Variants in ABCC3 observed in about 807,000 individuals in gnomAD.
The protein encoded by ABCC3 is ATP-binding cassette sub-family C member 3.
ABCC3 carries 121 observed loss-of-function variants against 165.3 expected under a neutral mutation model. The ratio of observed to expected loss-of-function variants is 0.73; its 90% confidence interval spans 0.63 to 0.85. ABCC3 has a LOEUF of 0.85. Among genes scored for constraint, ABCC3 ranks in the 40% least tolerant of loss-of-function variants. The pLI is 0.00. For missense variants in ABCC3, 1,869 were observed against 1,964.1 expected, an observed-to-expected ratio of 0.95 and a Z score of 0.92; for synonymous variants, 733 against 810.1, an observed-to-expected ratio of 0.90 and a Z score of 1.62.
intron 1 of ABCC3, among the ~76,000 whole-genome samples, chr17:50,647,947 G>A (rs180981762): frequency 9.9e-5 from 15 of 152,232 alleles, no homozygotes; most frequent in African/African-American, 3.4e-4. Context: ...GCTGAGGCAG[G>A]AGAATCACCT....
chr17:50,685,066 C>G (rs1968000046), intron 29 of ABCC3, among the ~76,000 whole-genome samples, 191 bp downstream of exon 29: 1 of 152,204 alleles, frequency 6.6e-6, no homozygotes, highest in African/African-American at 2.4e-5. Flanking sequence ...ACACAAGCCC[C>G]AGCGGTGGTC....
intron 1 of ABCC3, among the ~76,000 whole-genome samples, chr17:50,649,337 G>A (rs567334921): frequency 2.4e-4 from 36 of 152,036 alleles, no homozygotes; most frequent in African/African-American, 8.2e-4. Flanking sequence ...CTTGATTGGC[G>A]ACAGATCAGT....
intron 10 of ABCC3, 127 bp from the exon 11 acceptor site, chr17:50,665,026 C>A: frequency 2.6e-6 from 2 of 766,478 alleles, no homozygotes; most frequent in South Asian, 1.6e-5. Context: ...TTTGGCCAAC[C>A]ACCATCTTTT....
chr17:50,663,396 G>A, intron 8 of ABCC3: 1 of 449,578 alleles, frequency 2.2e-6, no homozygotes, highest in Non-Finnish European at 4.0e-6. Flanking sequence ...CATATGTCAG[G>A]AGGTAAGAAG....
At chr17:50,680,298 G>A (rs1377297434) in intron 26 of ABCC3, among the ~76,000 whole-genome samples, 1 of 152,154 alleles carries the variant, frequency 6.6e-6, no homozygotes, top group Non-Finnish European at 1.5e-5. Flanking sequence ...GGTGGGCAGT[G>A]GGAAGGTGAG....
chr17:50,649,204 G>C (rs1967063653), intron 1 of ABCC3, among the ~76,000 whole-genome samples: 1 of 152,064 alleles, frequency 6.6e-6, no homozygotes, highest in Non-Finnish European at 1.5e-5. Flanking sequence ...GTTTATCTGA[G>C]CAAAGAACAA....
chr17:50,638,999 C>T (rs946858765), intron 1 of ABCC3, among the ~76,000 whole-genome samples: 1 of 152,206 alleles, frequency 6.6e-6, no homozygotes, highest in African/African-American at 2.4e-5. Flanking sequence ...TCAGGGTCTC[C>T]TCTGCCTTCT....
Position 50,668,928 on chromosome 17 carries a change from T to C in ABCC3, c.1937+9T>C. 6.2e-7 allele frequency: 1 copy of C among 1,613,832 alleles called. No individual in the cohort carries two copies. Among genetic ancestry groups the C allele is most frequent in the Non-Finnish European group, 8.5e-7 (1 of 1,179,748 alleles). On this transcript the variant is annotated intron_variant, in intron 15 of 30. Transcript: ENST00000285238. The stretch of plus-strand genomic sequence containing the variant: ...CCCCCCACTCTGCACAGGTACCAGC[T>C]TCTCCCACTCCCTTCCCAGCTGCCC...
chr17:50,656,837 G>A lies in ABCC3; in HGVS notation c.348+10G>A. On this transcript the variant is annotated intron_variant, in intron 3 of 30. Transcript: ENST00000285238. ...GGTGGGGGTCACCATGGTCAGTGTG[G>A]GGCCCTGGGAAAGTGGATGGGGGAG... The A allele has an allele frequency of 6.3e-7, 1 of 1,598,480 alleles. No homozygotes were observed. Among genetic ancestry groups the A allele is most frequent in the Non-Finnish European group, 8.5e-7 (1 of 1,174,084 alleles).
At chr17:50,661,180 G>A in intron 8 of ABCC3, 66 bp downstream of exon 8, 1 of 1,477,148 alleles carries the variant, frequency 6.8e-7, no homozygotes, top group Non-Finnish European at 9.1e-7. Flanking sequence ...CTAGCCCAGA[G>A]GAAGGAACAA....
Position 50,651,959 on chromosome 17 carries a change from T to C in ABCC3, c.46-3873T>C, listed in dbSNP as rs551642411. ...TAGGAAATCATGCATCTTTATGATA[T>C]TTAATCCCCAAAACTATGAAAACAT... On this transcript the variant is annotated intron_variant, in intron 1 of 30. Coordinates refer to ENST00000285238, the MANE Select transcript of ABCC3 (RefSeq NM_003786.4). Among the ~76,000 whole-genome samples the C allele has an allele frequency of 1.1e-3, 165 of 152,358 alleles. 1 individual carries two copies. Among genetic ancestry groups the C allele is most frequent in the Non-Finnish European group, 9.4e-4 (64 of 68,036 alleles).
intron 28 of ABCC3, 45 bp from the exon 29 acceptor site, chr17:50,684,664 A>G (rs750458808): frequency 5.7e-6 from 9 of 1,585,698 alleles, no homozygotes; most frequent in East Asian, 2.3e-5. Flanking sequence ...ATGGCTCCTC[A>G]TAGGGCCTAA....
chr17:50,640,264 G>A (rs1034284166), intron 1 of ABCC3, among the ~76,000 whole-genome samples: 1 of 152,208 alleles, frequency 6.6e-6, no homozygotes, highest in African/African-American at 2.4e-5. Context: ...CATCATGCCG[G>A]AGTCCTACCA....
chr17:50,675,590 C>T, intron 20 of ABCC3, 41 bp from the exon 21 acceptor site: 1 of 1,560,032 alleles, frequency 6.4e-7, no homozygotes, highest in Non-Finnish European at 8.7e-7. Flanking sequence ...CTGGGGGGTG[C>T]TTGAGGCCCC....
intron 25 of ABCC3, 99 bp downstream of exon 25, chr17:50,678,318 G>A: frequency 1.5e-6 from 2 of 1,322,566 alleles, no homozygotes; most frequent in Non-Finnish European, 2.0e-6. Context: ...CTCAGTATGG[G>A]CACCAGCCAC....
intron 29 of ABCC3, among the ~76,000 whole-genome samples, chr17:50,685,235 C>T (rs1968003623): frequency 6.6e-6 from 1 of 152,192 alleles, no homozygotes; most frequent in South Asian, 2.1e-4. Flanking sequence ...AGCTTTCTTA[C>T]AGCCCCAGAT....
Position 50,655,952 on chromosome 17 carries a change from C to G in ABCC3, c.166C>G (p.Leu56Val), listed in dbSNP as rs768886195. 1 of 1,614,162 alleles carries G rather than the reference C, an allele frequency of 6.2e-7. No homozygotes were observed. Among genetic ancestry groups the G allele is most frequent in the Non-Finnish European group, 8.5e-7 (1 of 1,180,026 alleles). ...WVALPCYLLY[L>V]RHHCRGYIIL... is the part of the protein sequence containing the mutation. ...CGCCCTGCCCTGCTACTTGCTCTAC[C>G]TGCGGCACCATTGTCGTGGCTACAT... The change falls in exon 2 of 31, where the codon CTG becomes GTG. Residue 56 changes from leucine to valine, a missense_variant. Coordinates refer to ENST00000285238, the MANE Select transcript of ABCC3 (RefSeq NM_003786.4).
At chr17:50,639,179 C>A (rs1360366018) in intron 1 of ABCC3, among the ~76,000 whole-genome samples, 2 of 152,214 alleles carry the variant, frequency 1.3e-5, no homozygotes, top group Non-Finnish European at 2.9e-5. Flanking sequence ...GGAACCCAGT[C>A]CTCCCTGCAA....
At chr17:50,680,042 A>T (rs913969587) in intron 26 of ABCC3, 143 bp downstream of exon 26, 3 of 647,698 alleles carry the variant, frequency 4.6e-6, no homozygotes, top group African/African-American at 1.8e-5. Context: ...ACTGAGCATC[A>T]ACCAATGCTC....
Sources: allele counts gnomAD v4.1 joint callset (sites outside exome capture counted in the v4.1 genomes callset), GRCh38; gene constraint gnomAD v4.1.1; transcripts MANE v1.5; gene names NCBI Gene and HGNC (gene_info 2026-07-23, HGNC 2026-07-21).